The following CEACAM20 variants were observed in gnomAD, a reference collection of about 807,000 sequenced individuals.
The protein encoded by CEACAM20 is CEA cell adhesion molecule 20.
CEACAM20 carries 50 observed loss-of-function variants against 61.2 expected under a neutral mutation model. The ratio of observed to expected loss-of-function variants is 0.82; its 90% CI spans 0.65 to 1.03. The LOEUF (loss-of-function observed/expected upper bound fraction) is 1.03. Among genes scored for constraint, CEACAM20 ranks in the 50% least tolerant of loss-of-function variants. The pLI is 0.00. For synonymous variants in CEACAM20, 282 were observed against 287.7 expected (o/e 0.98, Z 0.20); for missense variants, 683 against 736.4 (o/e 0.93, Z 0.84).
rs1971253632 is a variant in CEACAM20, at chr19:44,518,233, A to AG, written c.1031-1010dup. Among the ~76,000 whole-genome samples the AG allele has an allele frequency of 3.4e-3, 330 of 96,924 alleles. 1 individual carries two copies. The highest frequency in any genetic ancestry group is 0.016 in the African/African-American group (270 of 16,952). 63.6% of individuals were successfully genotyped at this position (96,924 alleles called of 152,430 possible). On this transcript the variant is annotated intron_variant, in intron 5 of 11. Transcript: ENST00000614924. ...AGGAAGGAAGGAGAGAGAGAGAGAG[A>AG]GAAAGGAAGGAAGGAAGGAAGGAAG...
rs559550466 is a variant in CEACAM20, at chr19:44,517,022, G to T, written c.1233C>A (p.Asp411Glu). The T allele has an allele frequency of 1.9e-6, 3 of 1,597,702 alleles. No homozygotes were observed. The highest frequency in any genetic ancestry group is 1.8e-5 in the Admixed American group (1 of 56,896). The change falls in exon 6 of 12, where the codon GAC becomes GAA. Residue 411 changes from aspartate to glutamate, a missense_variant. By Grantham distance (45) the Asp-to-Glu change is conservative. Coordinates refer to ENST00000614924, the MANE Select transcript of CEACAM20 (RefSeq NM_001102597.3). ...TGGAGGCTGTGCAGTTGTAGATCCCGTCGTGTTCCCAGGTCAGAGCCCTGA... is the reference window on the plus strand; with the variant it reads ...TGGAGGCTGTGCAGTTGTAGATCCCTTCGTGTTCCCAGGTCAGAGCCCTGA... ...LIIRALTWEHDGIYNCTASNS... is the reference protein window; with the variant it reads ...LIIRALTWEHEGIYNCTASNS...
Position 44,524,036 on chromosome 19 carries a change from C to A in CEACAM20, c.422G>T (p.Arg141Leu). ...EDSGTYQCEA[R>L]DALLSQRSDP... The stretch of plus-strand genomic sequence containing the variant: ...GCTCCTCTGGCTCAGAAGGGCATCT[C>A]GAGCTTCACATTGGTAAGTCCCTGA... The change falls in exon 3 of 12, where the codon CGA becomes CTA. Residue 141 changes from arginine (R) to leucine (L), a missense_variant. Arg to Leu is a moderately radical substitution (Grantham distance 102). Coordinates refer to ENST00000614924, the MANE Select transcript of CEACAM20 (RefSeq NM_001102597.3). The A allele has an allele frequency of 1.3e-6, 2 of 1,557,608 alleles. No homozygotes were observed. The highest frequency in any genetic ancestry group is 1.7e-6 in the Non-Finnish European group (2 of 1,149,818).
intron 3 of CEACAM20, among the ~76,000 whole-genome samples, chr19:44,523,430 AAT>A (rs1971430818): frequency 6.6e-6 from 1 of 152,064 alleles, no homozygotes; most frequent in Non-Finnish European, 1.5e-5. Context: ...TGAATGAATG[AAT>A]GAATGAATGA....
intron 1 of CEACAM20, 112 bp downstream of exon 1, chr19:44,529,346 C>T: frequency 1.1e-6 from 1 of 940,596 alleles, no homozygotes; most frequent in Non-Finnish European, 1.6e-6. Flanking sequence ...ATCTCTTTTT[C>T]CTCGAGTGCA....
In CEACAM20 at chr19:44,513,219, A is replaced by G. The variant is rs765767846; in HGVS notation, c.1380T>C (p.Ala460=). ...GIVIGILAVI[A]VASELGYFLC... is the part of the protein sequence containing the mutation. ...GAAAATAGCCCAGTTCTGAGGCCAC[A>G]GCAATGACAGCCAGGATCCCGATGA... The change falls in exon 7 of 12, where the codon GCT becomes GCC. Residue 460 remains alanine, a synonymous_variant. Transcript: ENST00000614924. 3 of 1,613,810 alleles carry G rather than the reference A, an allele frequency of 1.9e-6. No individual in the cohort carries two copies. In the South Asian group the frequency reaches 3.3e-5, roughly 18 times the overall value.
chr19:44,507,676 G>T (rs934935375), intron 11 of CEACAM20, among the ~76,000 whole-genome samples: 1 of 152,098 alleles, frequency 6.6e-6, no homozygotes, highest in African/African-American at 2.4e-5. Flanking sequence ...ATCCCCATTC[G>T]AACTACATTC....
rs751443094 is a variant in CEACAM20 at position 44,524,092 on chromosome 19, G to A, written c.366C>T (p.Ile122=). 8.8e-6 allele frequency: 14 copies of A among 1,598,768 alleles called. No homozygotes were observed. Among genetic ancestry groups the A allele is most frequent in the Non-Finnish European group, 1.2e-5 (14 of 1,172,772 alleles). The change falls in exon 3 of 12, where the codon ATC becomes ATT. Residue 122 remains isoleucine, a synonymous_variant. Transcript: ENST00000614924. ...CCCGCTGGACAATGAGAATGGTGAG[G>A]ATCTTGCCATCCTTGGACAGCTGCA... ...ERMQLSKDGK[I]LTILIVQRED... is the part of the protein sequence containing the mutation.
rs375296471 is a variant in CEACAM20, at chr19:44,519,045, C to G, written c.1030+1429G>C. 6.9e-4 allele frequency among the ~76,000 whole-genome samples: 105 copies of G among 152,240 alleles called. 1 individual carries two copies. The highest frequency in any genetic ancestry group is 2.5e-3 in the African/African-American group (103 of 41,540). On this transcript the variant is annotated intron_variant, in intron 5 of 11. Coordinates refer to ENST00000614924, the MANE Select transcript of CEACAM20 (RefSeq NM_001102597.3). ...TCCATCCTTGTTACACTCTCTCTTG[C>G]CTCAAGGCCATCGCACACTCTCTTC...
At chr19:44,518,196 A>C (rs1971249635) in intron 5 of CEACAM20, among the ~76,000 whole-genome samples, 1 of 143,300 alleles carries the variant, frequency 7.0e-6, no homozygotes, top group South Asian at 2.3e-4. Flanking sequence ...GCAGGCAGGC[A>C]GGCAAGAAGG....
chr19:44,511,899 G>C, intron 9 of CEACAM20, 118 bp downstream of exon 9: 1 of 1,042,256 alleles, frequency 9.6e-7, no homozygotes, highest in Non-Finnish European at 1.4e-6. Flanking sequence ...GAGATGCAGA[G>C]AGACTTAACC....
At chr19:44,523,409 A>AAATGAATGAATGAATG (rs147633867) in intron 3 of CEACAM20, among the ~76,000 whole-genome samples, 32 of 149,912 alleles carry the variant, frequency 2.1e-4, no homozygotes, top group African/African-American at 6.2e-4. Context: ...ATCTTGTCTC[A>AAATGAATGAATGAATG]AATGAATGAA....
intron 8 of CEACAM20, 43 bp from the exon 9 acceptor site, chr19:44,512,121 G>C (rs1374623871): frequency 2.0e-6 from 3 of 1,500,854 alleles, no homozygotes; most frequent in African/African-American, 1.4e-5. Flanking sequence ...GTTCGAAAGA[G>C]ATATGGGGCA....
intron 6 of CEACAM20, 86 bp downstream of exon 6, chr19:44,516,860 C>A (rs1460644428): frequency 6.8e-7 from 1 of 1,462,078 alleles, no homozygotes; most frequent in Non-Finnish European, 9.3e-7. Context: ...ACACTCCAGC[C>A]CTCGGTAGGG....
intron 3 of CEACAM20, among the ~76,000 whole-genome samples, chr19:44,523,241 T>A (rs577487316): frequency 1.3e-5 from 2 of 152,070 alleles, no homozygotes; most frequent in South Asian, 4.2e-4. Flanking sequence ...AGATCCCATC[T>A]CTACAAAAAA....
intron 5 of CEACAM20, among the ~76,000 whole-genome samples, chr19:44,518,708 T>C (rs1035787320): frequency 3.9e-5 from 6 of 151,960 alleles, no homozygotes; most frequent in African/African-American, 1.5e-4. Context: ...TGCTCCCTCC[T>C]AAACATCATT....
chr19:44,512,005 A>T lies in CEACAM20; in HGVS notation c.1575+12T>A. The T allele has an allele frequency of 6.2e-7, 1 of 1,605,666 alleles. No homozygotes were observed. ...GGGGATCAAGGAGGGTTCCCTCTGCAGCATCACTCACCAGTTCGACTCTGA... is the reference window on the plus strand; with the variant it reads ...GGGGATCAAGGAGGGTTCCCTCTGCTGCATCACTCACCAGTTCGACTCTGA... On this transcript the variant is annotated intron_variant, in intron 9 of 11. Transcript: ENST00000614924.
intron 4 of CEACAM20, 57 bp from the exon 5 acceptor site, chr19:44,520,809 C>G: frequency 6.4e-7 from 1 of 1,553,178 alleles, no homozygotes; most frequent in Non-Finnish European, 8.7e-7. Flanking sequence ...CATCTCCTGC[C>G]CTTGTGGGGC....
At chr19:44,511,815 AAAGAAT>A in intron 9 of CEACAM20, 143 bp from the exon 10 acceptor site, 1 of 988,676 alleles carries the variant, frequency 1.0e-6, no homozygotes, top group Non-Finnish European at 1.5e-6. Context: ...TTGTCATGTC[AAAGAAT>A]AAGAAGACGA....
chr19:44,522,176 C>A (rs1489408264), intron 4 of CEACAM20, among the ~76,000 whole-genome samples: 1 of 151,914 alleles, frequency 6.6e-6, no homozygotes, highest in Admixed American at 6.6e-5. Flanking sequence ...GTGATCTCAG[C>A]TCCTGCAAGC....
Sources: allele counts gnomAD v4.1 joint callset (sites outside exome capture counted in the v4.1 genomes callset), GRCh38; gene constraint gnomAD v4.1.1; transcripts MANE v1.5; gene names NCBI Gene and HGNC (gene_info 2026-07-23, HGNC 2026-07-21).